Variants in FBRSL1 observed in about 807,000 individuals in gnomAD.
The protein encoded by FBRSL1 is fibrosin-1-like protein.
FBRSL1 carries 51 observed loss-of-function variants against 89.6 expected under a neutral mutation model. The ratio of observed to expected loss-of-function variants is 0.57; its 90% CI spans 0.45 to 0.72. The LOEUF is 0.72. FBRSL1 is among the 30% of genes least tolerant of loss of function. The pLI is 0.00. For synonymous variants in FBRSL1, 779 were observed against 681.1 expected (o/e 1.14, Z -2.24); for missense variants, 1,618 against 1,451.8 (o/e 1.11, Z -1.86).
In FBRSL1 at chr12:132,572,370, C is replaced by T. The variant is rs556920485; in HGVS notation, c.1434+26C>T. ...GTGAGTGTCCCCGAGGGGCCCGGCG[C>T]GTGTCGCTGTGCACGCAGGTCCTGG... On this transcript the variant is annotated intron_variant, in intron 10 of 18. Transcript: ENST00000680143. The T allele has an allele frequency of 1.4e-5, 21 of 1,550,054 alleles. No homozygotes were observed. In the East Asian group the frequency reaches 4.4e-4, roughly 32 times the overall value.
intron 15 of FBRSL1, among the ~76,000 whole-genome samples, chr12:132,579,268 T>C (rs763322897): frequency 9.2e-5 from 14 of 152,236 alleles, no homozygotes; most frequent in Non-Finnish European, 1.8e-4. Context: ...CAGCTTTCAC[T>C]GGAGTTGGGT....
chr12:132,561,354 C>T (rs1345563187), intron 5 of FBRSL1, among the ~76,000 whole-genome samples: 1 of 152,222 alleles, frequency 6.6e-6, no homozygotes, highest in African/African-American at 2.4e-5. Context: ...TGGGGCGCCC[C>T]CTTGTGGCCC....
rs2040989103 is a variant in FBRSL1, at chr12:132,584,224, C to T, written c.*446C>T. The T allele has an allele frequency of 6.6e-6, 1 of 152,262 alleles. No individual in the cohort carries two copies. Among genetic ancestry groups the T allele is most frequent in the South Asian group, 2.1e-4 (1 of 4,830 alleles). The allele number at this position is 152,262 out of a possible 1,614,324, so 9.4% of individuals were successfully genotyped here. The stretch of plus-strand genomic sequence containing the variant: ...TCCAGCGCACTGTGAGGCCCCCACT[C>T]AGGCCAGCCCTGGCCCCCCCTTGGT... On this transcript the variant is annotated 3_prime_UTR_variant, in exon 19 of 19. Transcript: ENST00000680143.
chr12:132,550,115 C>T (rs936557769), intron 5 of FBRSL1, among the ~76,000 whole-genome samples: 9 of 150,596 alleles, frequency 6.0e-5, no homozygotes, highest in Non-Finnish European at 2.9e-5. Context: ...CAGAGGGTCC[C>T]GGCAGGGCGA....
intron 4 of FBRSL1, among the ~76,000 whole-genome samples, chr12:132,532,137 A>T (rs767328766): frequency 5.9e-5 from 9 of 151,516 alleles, no homozygotes; most frequent in Middle Eastern, 3.4e-3. Flanking sequence ...AATGTTCTGG[A>T]GGGGCCTTTG....
In FBRSL1 at chr12:132,511,645, A is replaced by G. The variant is rs559619909; in HGVS notation, c.489+3295A>G. 2.9e-5 allele frequency: 29 copies of G among 985,492 alleles called. No individual in the cohort carries two copies. The South Asian group carries it at 1.2e-3, about 40-fold the overall frequency. The allele number at this position is 985,492 out of a possible 1,614,324, so 61.0% of individuals were successfully genotyped here. A position where few individuals can be genotyped will look rare whatever the true frequency, so the allele number is the denominator to read the frequency against. ...ACGTGACAGGAGGCTCTGGTCCTGC[A>G]GGCCTGGTCTTGCCCAGCTGGGCTG... On this transcript the variant is annotated intron_variant, in intron 2 of 18. Transcript: ENST00000680143.
At chr12:132,528,877 G>C (rs906639675) in intron 4 of FBRSL1, among the ~76,000 whole-genome samples, 1 of 152,170 alleles carries the variant, frequency 6.6e-6, no homozygotes, top group African/African-American at 2.4e-5. Flanking sequence ...ACGGTGGAGG[G>C]CTCCTTGCAC....
chr12:132,512,625 C>G (rs2034468898), intron 2 of FBRSL1, among the ~76,000 whole-genome samples: 1 of 152,240 alleles, frequency 6.6e-6, no homozygotes, highest in Non-Finnish European at 1.5e-5. Context: ...AGGCCCCTGC[C>G]CCTACCCCCG....
chr12:132,545,902 T>C (rs1460731441), intron 4 of FBRSL1, among the ~76,000 whole-genome samples: 2 of 152,186 alleles, frequency 1.3e-5, no homozygotes, highest in East Asian at 3.9e-4. Flanking sequence ...GAAATCCCAC[T>C]GTGAGGCTAG....
At chr12:132,567,870 C>T (rs1172873234) in intron 6 of FBRSL1, among the ~76,000 whole-genome samples, 1 of 152,228 alleles carries the variant, frequency 6.6e-6, no homozygotes, top group Non-Finnish European at 1.5e-5. Context: ...TCACCTGTGG[C>T]TGCTGAGTTA....
Position 132,583,954 on chromosome 12 carries a change from G to A in FBRSL1, c.*176G>A. On this transcript the variant is annotated 3_prime_UTR_variant, in exon 19 of 19. Coordinates refer to ENST00000680143, the MANE Select transcript of FBRSL1 (RefSeq NM_001367871.1). ...TTCTGAGGGTGATCTTTTGTTTTCC[G>A]AGTTTGGGATTCGGCTGTTGGGAAA... 1 of 301,224 alleles carries A rather than the reference G, an allele frequency of 3.3e-6. No homozygotes were observed. Among genetic ancestry groups the A allele is most frequent in the Non-Finnish European group, 6.0e-6 (1 of 166,008 alleles). The allele number at this position is 301,224 out of a possible 1,614,324, so 18.7% of individuals were successfully genotyped here.
At chr12:132,568,495 G>A (rs572746040) in intron 6 of FBRSL1, among the ~76,000 whole-genome samples, 101 of 152,390 alleles carry the variant, frequency 6.6e-4, no homozygotes, top group African/African-American at 1.9e-3. Flanking sequence ...CTTCGCAGAC[G>A]GTGTCACGCG....
At chr12:132,562,022 A>C (rs890342289) in intron 5 of FBRSL1, among the ~76,000 whole-genome samples, 1 of 151,806 alleles carries the variant, frequency 6.6e-6, no homozygotes, top group African/African-American at 2.4e-5. Context: ...TGGAGGCCCA[A>C]AGGCTGGTCT....
intron 1 of FBRSL1, 63 bp from the exon 2 acceptor site, chr12:132,508,090 C>G (rs2033901161): frequency 6.6e-7 from 1 of 1,520,502 alleles, no homozygotes; most frequent in Non-Finnish European, 8.9e-7. Context: ...CAGGTGGGTG[C>G]TGTCCTGGGC....
At chr12:132,581,713 C>G in intron 16 of FBRSL1, 28 bp from the exon 17 acceptor site, 1 of 1,548,738 alleles carries the variant, frequency 6.5e-7, no homozygotes, top group Non-Finnish European at 8.7e-7. Flanking sequence ...GCCTCACAGA[C>G]CTCTGGGTCC....
chr12:132,583,244 G>A lies in FBRSL1; in HGVS notation c.2475G>A (p.Glu825=). The A allele has an allele frequency of 3.7e-6, 5 of 1,359,812 alleles. No homozygotes were observed. The highest frequency in any genetic ancestry group is 4.7e-6 in the Non-Finnish European group (5 of 1,055,910). The allele number at this position is 1,359,812 out of a possible 1,614,324, so 84.2% of individuals were successfully genotyped here. Residue 825 remains glutamate (E), a synonymous_variant, in exon 19 of 19, where the codon GAG becomes GAA. Coordinates refer to ENST00000680143, the MANE Select transcript of FBRSL1 (RefSeq NM_001367871.1). The stretch of plus-strand genomic sequence containing the variant: ...AGCGCGGGGAGGACGAGGCCTCCGA[G>A]CCCCCGGCGGGCGGCCTGCACCCCG... ...KEERGEDEAS[E]PPAGGLHPAP... is the part of the protein sequence containing the mutation.
At chr12:132,572,386 C>A in intron 10 of FBRSL1, 42 bp downstream of exon 10, 1 of 1,545,446 alleles carries the variant, frequency 6.5e-7, no homozygotes, top group Non-Finnish European at 8.8e-7. Flanking sequence ...GCTGTGCACG[C>A]AGGTCCTGGC....
chr12:132,506,260 TA>T (rs1278013000), intron 1 of FBRSL1, among the ~76,000 whole-genome samples: 4 of 152,218 alleles, frequency 2.6e-5, no homozygotes, highest in Non-Finnish European at 5.9e-5. Flanking sequence ...GAAATCTTTA[TA>T]TTTTTTTGAA....
At chr12:132,525,904 C>A in intron 3 of FBRSL1, 81 bp downstream of exon 3, 2 of 1,199,378 alleles carry the variant, frequency 1.7e-6, no homozygotes, top group South Asian at 1.4e-5. Flanking sequence ...GCGTCCAGTC[C>A]GAGTCTGGGC....
Sources: gnomAD v4.1 joint callset for allele counts (sites outside exome capture counted in the v4.1 genomes callset) on GRCh38, gnomAD v4.1.1 for gene constraint, MANE v1.5 for transcripts, NCBI Gene and HGNC (gene_info 2026-07-23, HGNC 2026-07-21) for gene names.